The following ANKRD11 variants were observed in gnomAD, a reference collection of about 807,000 sequenced individuals.
The protein encoded by ANKRD11 is ankyrin repeat domain 11, also known as ankyrin repeat domain-containing protein 11.
Under a neutral mutation model 195.7 loss-of-function variants are expected in ANKRD11, and 17 were observed. The observed-to-expected ratio is 0.09, with a 90% CI of 0.06 to 0.13. The LOEUF is 0.13. Ranked by LOEUF, ANKRD11 falls within the 10% of genes least tolerant of loss-of-function variation. The probability of loss-of-function intolerance (pLI) is 1.00; values close to 1 mark genes in which losing one functional copy is unlikely to be tolerated. For synonymous variants in ANKRD11, 1,953 were observed against 1,528.1 expected (o/e 1.28, Z -6.49); for missense variants, 3,735 against 3,566.1 (o/e 1.05, Z -1.21).
intron 1 of ANKRD11, among the ~76,000 whole-genome samples, chr16:89,463,394 CAT>C (rs922596175): frequency 1.3e-5 from 2 of 152,218 alleles, no homozygotes; most frequent in East Asian, 1.9e-4. Flanking sequence ...CTCTCTGAAA[CAT>C]GTGCTGTGTC....
rs1445518002 is a variant in ANKRD11, at chr16:89,279,736, C to G, written c.6806G>C (p.Cys2269Ser). The G allele has an allele frequency of 2.6e-6, 4 of 1,533,236 alleles. No homozygotes were observed. In the African/African-American group the frequency reaches 5.5e-5, roughly 21 times the overall value. 95.0% of individuals were successfully genotyped at this position (1,533,236 alleles called of 1,614,324 possible). A position where few individuals can be genotyped will look rare whatever the true frequency, so the allele number is the denominator to read the frequency against. Residue 2269 changes from cysteine to serine, a missense_variant, in exon 9 of 13, where the codon TGT becomes TCT. Transcript: ENST00000301030. The surrounding 1 kb of genome is among the most constrained non-coding windows in gnomAD (Gnocchi z 5.6). ...EAEGPPAASL[C>S]APDGPAPNTV... The stretch of plus-strand genomic sequence containing the variant: ...GTTCGGGGCGGGGCCGTCAGGGGCA[C>G]AGAGGGACGCGGCGGGGGGGCCTTC...
intron 9 of ANKRD11, 184 bp downstream of exon 9, chr16:89,278,888 A>T: frequency 9.8e-7 from 1 of 1,016,692 alleles, no homozygotes; most frequent in African/African-American, 1.6e-5. Context: ...TCTGCAGAAC[A>T]GCTGGGCAGC....
intron 2 of ANKRD11, among the ~76,000 whole-genome samples, chr16:89,330,000 T>C (rs1597668399): frequency 7.3e-6 from 1 of 137,766 alleles, no homozygotes; most frequent in South Asian, 2.1e-4. Context: ...GTCTCAAAAA[T>C]AAAATAAAAT....
At position 89,368,371 on chromosome 16, in the gene ANKRD11, G is replaced by GTT. The variant is rs71134210; in HGVS notation, c.-60+49911_-60+49912dup. 2.8e-3 allele frequency among the ~76,000 whole-genome samples: 158 copies of GTT among 56,578 alleles called. 5 individuals carry two copies. Among genetic ancestry groups the GTT allele is most frequent in the Admixed American group, 3.3e-3 (10 of 3,062 alleles). The allele number at this position is 56,578 out of a possible 152,430, so 37.1% of individuals were successfully genotyped here. A position where few individuals can be genotyped will look rare whatever the true frequency, so the allele number is the denominator to read the frequency against. On this transcript the variant is annotated intron_variant, in intron 2 of 12. Coordinates refer to ENST00000301030, the MANE Select transcript of ANKRD11 (RefSeq NM_013275.6). ...GCTGCCGTGCCTGGCTAATTTTTGT[G>GTT]TTTTTTTTTTTTTTTTTTTTTTTTT...
chr16:89,329,463 A>G (rs781281249), intron 2 of ANKRD11, among the ~76,000 whole-genome samples: 1 of 152,232 alleles, frequency 6.6e-6, no homozygotes, highest in African/African-American at 2.4e-5. Context: ...AATAGTCTAT[A>G]CTTTTAGGTG....
chr16:89,307,994 G>T (rs201271002), intron 3 of ANKRD11, among the ~76,000 whole-genome samples: 1 of 149,996 alleles, frequency 6.7e-6, no homozygotes, highest in Admixed American at 6.6e-5. Context: ...TGAGGGGAAG[G>T]TTCTACCAAA....
At chr16:89,366,416 C>T (rs1158631619) in intron 2 of ANKRD11, among the ~76,000 whole-genome samples, 1 of 152,178 alleles carries the variant, frequency 6.6e-6, no homozygotes, top group African/African-American at 2.4e-5. Context: ...CTGCTTTCCA[C>T]AGGGTTGAAC....
intron 2 of ANKRD11, among the ~76,000 whole-genome samples, chr16:89,362,307 T>A (rs1375988829): frequency 6.6e-6 from 1 of 152,220 alleles, no homozygotes; most frequent in Non-Finnish European, 1.5e-5. Context: ...TGCTCCTCTG[T>A]CTGCCTGAGT....
chr16:89,361,573 G>A (rs1263113854), intron 2 of ANKRD11: 1 of 152,250 alleles, frequency 6.6e-6, no homozygotes, highest in Non-Finnish European at 1.5e-5. Context: ...CGCATCACCA[G>A]AAGGCTCTGC....
chr16:89,487,513 C>A (rs1044135988), intron 1 of ANKRD11, among the ~76,000 whole-genome samples: 2 of 152,212 alleles, frequency 1.3e-5, no homozygotes, highest in Non-Finnish European at 2.9e-5. Flanking sequence ...CGGTGGCTCA[C>A]GCCTGTAATC....
At chr16:89,453,836 C>G (rs142413885) in intron 1 of ANKRD11, among the ~76,000 whole-genome samples, 47 of 152,272 alleles carry the variant, frequency 3.1e-4, no homozygotes, top group African/African-American at 1.1e-3. Flanking sequence ...GAATTCGAGG[C>G]AGGACTCTGG....
At chr16:89,384,874 GTTTTCT>G (rs1457051143) in intron 2 of ANKRD11, among the ~76,000 whole-genome samples, 12 of 72,768 alleles carry the variant, frequency 1.6e-4, no homozygotes, top group African/African-American at 6.7e-4. Flanking sequence ...ATGAGAAATA[GTTTTCT>G]TTTTTTTTTT....
At chr16:89,410,748 A>T (rs1302440224) in intron 2 of ANKRD11, among the ~76,000 whole-genome samples, 2 of 152,216 alleles carry the variant, frequency 1.3e-5, no homozygotes, top group African/African-American at 4.8e-5. Flanking sequence ...TTTACAAAGA[A>T]CCCTCGCTTC....
chr16:89,473,930 G>T (rs1383520677), intron 1 of ANKRD11, among the ~76,000 whole-genome samples: 1 of 152,214 alleles, frequency 6.6e-6, no homozygotes, highest in Non-Finnish European at 1.5e-5. Context: ...TCACTCCCAT[G>T]ACTACATTAT....
At chr16:89,336,062 G>A (rs2038337013) in intron 2 of ANKRD11, among the ~76,000 whole-genome samples, 1 of 152,242 alleles carries the variant, frequency 6.6e-6, no homozygotes, top group Non-Finnish European at 1.5e-5. Context: ...TACTATTCCT[G>A]CCAGTTGGTT....
chr16:89,490,544 C>T lies in ANKRD11; in HGVS notation c.-444G>A. On this transcript the variant is annotated 5_prime_UTR_variant, in exon 1 of 13. Transcript: ENST00000301030. ...CTGGGGCCCTCGGTCCATCGCGCAC[C>T]GTCTCAGGGCGGCCTCTGGCTCCAG... 2.3e-6 allele frequency: 1 copy of T among 432,526 alleles called. No individual in the cohort carries two copies. Among genetic ancestry groups the T allele is most frequent in the Non-Finnish European group, 4.1e-6 (1 of 244,816 alleles). 26.8% of individuals were successfully genotyped at this position (432,526 alleles called of 1,614,324 possible).
chr16:89,314,527 G>A (rs538361594), intron 3 of ANKRD11, among the ~76,000 whole-genome samples: 2 of 152,270 alleles, frequency 1.3e-5, no homozygotes, highest in South Asian at 4.1e-4. Context: ...CCTGCTCTCT[G>A]TGGCTCTTCC....
In ANKRD11 at chr16:89,280,029, G is replaced by C. The variant is rs757440179; in HGVS notation, c.6513C>G (p.Pro2171=). The C allele has an allele frequency of 1.5e-5, 24 of 1,612,566 alleles. No individual in the cohort carries two copies. The South Asian group carries it at 2.5e-4, about 17-fold the overall frequency. ...AAACATCCCCACCGTTTATGACCCC[G>C]GGGGCCCCTGGAGGCATCTCTTCTG... ...APPEEMPPGA[P]GVINGGDVST... is the part of the protein sequence containing the mutation. Residue 2171 remains proline (P), a synonymous_variant, in exon 9 of 13, where the codon CCC becomes CCG. Transcript: ENST00000301030.
chr16:89,469,669 C>A (rs969244508), intron 1 of ANKRD11, among the ~76,000 whole-genome samples: 1 of 148,734 alleles, frequency 6.7e-6, no homozygotes, highest in East Asian at 2.3e-4. Context: ...GAGGCTGAGG[C>A]GGGCGGATCA....
Sources: allele counts gnomAD v4.1 joint callset (sites outside exome capture counted in the v4.1 genomes callset), GRCh38; gene constraint gnomAD v4.1.1; non-coding constraint Gnocchi (gnomAD v3.1); transcripts MANE v1.5; gene names NCBI Gene and HGNC (gene_info 2026-07-23, HGNC 2026-07-21).